Variants in TARS3 observed in about 807,000 individuals in gnomAD.
TARS3 encodes the protein threonyl-tRNA synthetase 3.
TARS3 carries 94 observed loss-of-function variants against 103.5 expected under a neutral mutation model. The ratio of observed to expected loss-of-function variants is 0.91; its 90% CI spans 0.77 to 1.08. The LOEUF (loss-of-function observed/expected upper bound fraction) is 1.08, where lower values mean the gene tolerates loss of function less well. TARS3 is among the 50% of genes least tolerant of loss of function. The probability of loss-of-function intolerance (pLI) is 0.00; values close to 1 mark genes in which losing one functional copy is unlikely to be tolerated. For missense variants in TARS3, 952 were observed against 995.2 expected, an observed-to-expected ratio of 0.96 and a Z score of 0.58; for synonymous variants, 416 against 355.4, an observed-to-expected ratio of 1.17 and a Z score of -1.92.
intron 15 of TARS3, among the ~76,000 whole-genome samples, 189 bp from the exon 16 acceptor site, chr15:101,662,005 CTTT>C (rs1028250157): frequency 3.3e-5 from 5 of 152,012 alleles, no homozygotes; most frequent in African/African-American, 9.7e-5. Flanking sequence ...ATTTTAAAAA[CTTT>C]TTATTAGAGC....
intron 18 of TARS3, among the ~76,000 whole-genome samples, chr15:101,655,413 G>A: frequency 7.0e-6 from 1 of 142,116 alleles, no homozygotes; most frequent in Admixed American, 6.9e-5. Context: ...TGGCACTAGG[G>A]CGCAAATGAG....
At chr15:101,678,544 A>G (rs1898125581) in intron 12 of TARS3, among the ~76,000 whole-genome samples, 1 of 151,398 alleles carries the variant, frequency 6.6e-6, no homozygotes, top group Non-Finnish European at 1.5e-5. Context: ...TATATAACTT[A>G]TCAGTCCAGA....
At chr15:101,715,185 C>T (rs1298444622) in intron 3 of TARS3, among the ~76,000 whole-genome samples, 14 of 144,990 alleles carry the variant, frequency 9.7e-5, no homozygotes, top group African/African-American at 3.1e-4. Flanking sequence ...CTCGCTCTGT[C>T]GCCCAGGCTG....
At chr15:101,708,274 A>C (rs1459986287) in intron 6 of TARS3, among the ~76,000 whole-genome samples, 3 of 151,056 alleles carry the variant, frequency 2.0e-5, no homozygotes, top group Non-Finnish European at 4.4e-5. Context: ...AAAAAAAAAA[A>C]AAAAAAAAAA....
chr15:101,708,257 G>GAAAAAAAAAAA (rs60601502), intron 6 of TARS3, among the ~76,000 whole-genome samples: 3 of 48,602 alleles, frequency 6.2e-5, no homozygotes, highest in Non-Finnish European at 1.0e-4. Context: ...GACTCTGTCT[G>GAAAAAAAAAAA]AAAAAAAAAA....
At chr15:101,661,910 G>C in intron 15 of TARS3, 94 bp from the exon 16 acceptor site, 2 of 710,836 alleles carry the variant, frequency 2.8e-6, no homozygotes, top group Middle Eastern at 3.9e-4. Context: ...ATTTAGATTA[G>C]TGATATCAGA....
In TARS3 at chr15:101,724,411, G is replaced by A; in HGVS notation, c.-24C>T. On this transcript the variant is annotated 5_prime_UTR_variant, in exon 1 of 19. Transcript: ENST00000335968. The stretch of plus-strand genomic sequence containing the variant: ...ATCGCGGCCTCCCTCAGGCACCGAC[G>A]CCGAGCGGGGTGCCCGCGACTGCGG... The A allele has an allele frequency of 7.2e-7, 1 of 1,385,710 alleles. No homozygotes were observed. The highest frequency in any genetic ancestry group is 2.2e-4 in the Middle Eastern group (1 of 4,450). The allele number at this position is 1,385,710 out of a possible 1,614,324, so 85.8% of individuals were successfully genotyped here.
intron 15 of TARS3, among the ~76,000 whole-genome samples, chr15:101,671,007 A>G (rs915733467): frequency 3.3e-5 from 5 of 152,198 alleles, no homozygotes; most frequent in African/African-American, 4.8e-5. Context: ...GTGACTACAA[A>G]GGAGCAGCAC....
intron 4 of TARS3, among the ~76,000 whole-genome samples, chr15:101,713,723 C>A (rs749226095): frequency 1.3e-5 from 2 of 152,056 alleles, no homozygotes; most frequent in Admixed American, 6.6e-5. Context: ...GGGTTAAAAT[C>A]GAAAATTTCA....
chr15:101,657,111 C>G, intron 17 of TARS3, 75 bp from the exon 18 acceptor site: 1 of 950,432 alleles, frequency 1.1e-6, no homozygotes, highest in Non-Finnish European at 1.7e-6. Flanking sequence ...GTTCCCCACT[C>G]TTGGTATTCA....
At position 101,657,183 on chromosome 15, in the gene TARS3, C is replaced by T. The variant is rs145210159; in HGVS notation, c.2146-147G>A. 680 of 554,150 alleles carry T rather than the reference C, an allele frequency of 1.2e-3. 3 individuals are homozygous for T. Among genetic ancestry groups the T allele is most frequent in the African/African-American group, 0.01 (539 of 52,302 alleles). The allele number at this position is 554,150 out of a possible 1,614,324, so 34.3% of individuals were successfully genotyped here. On this transcript the variant is annotated intron_variant, in intron 17 of 18. Transcript: ENST00000335968. Reference sequence around the variant, plus strand: ...GGGTCTGCGTGACCATAAAGAAGTGCGGAAGTGTCGGCGCATCGTTTCTGA... The same window carrying T: ...GGGTCTGCGTGACCATAAAGAAGTGTGGAAGTGTCGGCGCATCGTTTCTGA...
Position 101,724,186 on chromosome 15 carries a change from G to T in TARS3, c.202C>A (p.Leu68Met). 6.6e-7 allele frequency: 1 copy of T among 1,518,038 alleles called. No individual in the cohort carries two copies. Among genetic ancestry groups the T allele is most frequent in the East Asian group, 2.6e-5 (1 of 38,348 alleles). The allele number at this position is 1,518,038 out of a possible 1,614,324, so 94.0% of individuals were successfully genotyped here. ...RAENCDLRHR[L>M]CSLRLCLAEE... is the part of the protein sequence containing the mutation. ...GCGAGGCACAGCCGCAGGCTGCACA[G>T]GCGGTGGCGCAGGTCGCAGTTCTCG... Residue 68 changes from leucine (L) to methionine (M), a missense_variant, in exon 1 of 19, where the codon CTG becomes ATG. By Grantham distance (15) the Leu-to-Met change is conservative (BLOSUM62 2). Transcript: ENST00000335968.
chr15:101,705,870 GGATACAAAGA>G, intron 6 of TARS3, 123 bp from the exon 7 acceptor site: 1 of 816,094 alleles, frequency 1.2e-6, no homozygotes, highest in Non-Finnish European at 2.0e-6. Flanking sequence ...GAGACACGAG[GGATACAAAGA>G]GCTCACAGCC....
At position 101,705,688 on chromosome 15, in the gene TARS3, C is replaced by A; in HGVS notation, c.990G>T (p.Val330=). ...TACCATGTGTGGACACAAACCTGTACACGGTGGTAGTTGCAGTGTTAACTT... is the reference window on the plus strand; with the variant it reads ...TACCATGTGTGGACACAAACCTGTAAACGGTGGTAGTTGCAGTGTTAACTT... ...NEKVNTATTT[V]YRCGPLIDLC... Residue 330 remains valine, a synonymous_variant, in exon 7 of 19, where the codon GTG becomes GTT. Coordinates refer to ENST00000335968, the MANE Select transcript of TARS3 (RefSeq NM_152334.3). The A allele has an allele frequency of 6.2e-7, 1 of 1,610,860 alleles. No individual in the cohort carries two copies.
At chr15:101,660,064 T>C (rs527469776) in intron 16 of TARS3, among the ~76,000 whole-genome samples, 55 of 152,276 alleles carry the variant, frequency 3.6e-4, no homozygotes, top group Admixed American at 7.8e-4. Flanking sequence ...CCACATGGAA[T>C]CCATTATGGC....
In TARS3 at chr15:101,705,762, A is replaced by G. The variant is rs369314485; in HGVS notation, c.931-15T>C. On this transcript the variant is annotated splice_polypyrimidine_tract_variant and intron_variant, in intron 6 of 18. Coordinates refer to ENST00000335968, the MANE Select transcript of TARS3 (RefSeq NM_152334.3). ...AATTTATTGTACTACGAAGAAAAAC[A>G]TATTTACACATTATTACACACAATG... The G allele has an allele frequency of 1.7e-5, 26 of 1,568,610 alleles. No homozygotes were observed. The highest frequency in any genetic ancestry group is 2.0e-5 in the Non-Finnish European group (23 of 1,143,950).
At position 101,654,700 on chromosome 15, in the gene TARS3, G is replaced by A; in HGVS notation, c.2291C>T (p.Ala764Val). The part of the protein sequence containing the change: ...VVGEKEKIDN[A>V]VNVRTRDNKI... ...GTTGTCTCTTGTTCGCACGTTTACA[G>A]CATTATCTATCTTTTCCTTTTCTCC... Residue 764 changes from alanine (A) to valine (V), a missense_variant, in exon 19 of 19, where the codon GCT (alanine) becomes GTT (valine). Coordinates refer to ENST00000335968, the MANE Select transcript of TARS3 (RefSeq NM_152334.3). The A allele has an allele frequency of 6.2e-7, 1 of 1,613,886 alleles. No homozygotes were observed. Among genetic ancestry groups the A allele is most frequent in the Non-Finnish European group, 8.5e-7 (1 of 1,179,916 alleles).
intron 10 of TARS3, among the ~76,000 whole-genome samples, chr15:101,689,885 T>C (rs1898635477): frequency 6.6e-6 from 1 of 152,212 alleles, no homozygotes; most frequent in Admixed American, 6.5e-5. Flanking sequence ...AAGGCGAATG[T>C]GGAATGAGTG....
intron 3 of TARS3, among the ~76,000 whole-genome samples, chr15:101,720,921 C>T (rs992187232): frequency 9.2e-5 from 14 of 152,182 alleles, no homozygotes; most frequent in Non-Finnish European, 5.9e-5. Context: ...CCTTCTGCCA[C>T]GACTGTAAGT....
Sources: gnomAD v4.1 joint callset for allele counts (sites outside exome capture counted in the v4.1 genomes callset) on GRCh38, gnomAD v4.1.1 for gene constraint, MANE v1.5 for transcripts, NCBI Gene and HGNC (gene_info 2026-07-23, HGNC 2026-07-21) for gene names.